The following ABR variants were observed in gnomAD, a reference collection of about 807,000 sequenced individuals.
ABR encodes active breakpoint cluster region-related protein.
ABR carries 35 observed loss-of-function variants against 107.2 expected under a neutral mutation model. The ratio of observed to expected loss-of-function variants is 0.33; its 90% CI spans 0.25 to 0.43. ABR has a LOEUF of 0.43. Ranked by LOEUF, ABR falls within the 20% of genes least tolerant of loss-of-function variation. The pLI is 1.00. For missense variants in ABR, 815 were observed against 1,115.2 expected, an observed-to-expected ratio of 0.73 and a Z score of 3.83; for synonymous variants, 498 against 462.0, an observed-to-expected ratio of 1.08 and a Z score of -1.00.
intron 4 of ABR, 52 bp downstream of exon 4, chr17:1,091,613 A>G (rs1163670722): frequency 1.3e-6 from 2 of 1,573,738 alleles, no homozygotes; most frequent in African/African-American, 1.3e-5. Context: ...CTGCAACACT[A>G]TGGGCTCCAC....
intron 1 of ABR, among the ~76,000 whole-genome samples, chr17:1,160,094 C>T (rs1395657327): frequency 6.6e-6 from 1 of 152,124 alleles, no homozygotes; most frequent in Non-Finnish European, 1.5e-5. Flanking sequence ...GGAGGAAACA[C>T]TTACACCAAT....
intron 14 of ABR, 83 bp downstream of exon 14, chr17:1,055,952 C>T (rs1212953359): frequency 1.7e-5 from 23 of 1,328,044 alleles, no homozygotes; most frequent in Non-Finnish European, 2.2e-5. Flanking sequence ...TGTCTAAAGG[C>T]GTGCTGGCAG....
intron 16 of ABR, among the ~76,000 whole-genome samples, chr17:1,020,020 C>T (rs894422307): frequency 2.6e-5 from 4 of 152,126 alleles, no homozygotes; most frequent in Admixed American, 2.0e-4. Context: ...AAAAGGCGGA[C>T]GAACGACTGG....
At chr17:1,009,628 C>A in intron 21 of ABR, 51 bp downstream of exon 21, 1 of 1,544,440 alleles carries the variant, frequency 6.5e-7, no homozygotes, top group Non-Finnish European at 8.9e-7. Flanking sequence ...TCCCCGTTAC[C>A]TTTTCATGAG....
At chr17:1,059,456 G>A (rs1418033034) in intron 10 of ABR, among the ~76,000 whole-genome samples, 1 of 152,156 alleles carries the variant, frequency 6.6e-6, no homozygotes, top group African/African-American at 2.4e-5. Context: ...TCACTCTGCT[G>A]CCTCTACACA....
intron 1 of ABR, among the ~76,000 whole-genome samples, chr17:1,134,554 G>A (rs1395016472): frequency 6.6e-6 from 1 of 152,194 alleles, no homozygotes; most frequent in Admixed American, 6.5e-5. Context: ...TATATATTGG[G>A]TTTTCTGCTG....
intron 1 of ABR, among the ~76,000 whole-genome samples, chr17:1,178,886 C>T (rs2042014003): frequency 6.6e-6 from 1 of 151,956 alleles, no homozygotes; most frequent in African/African-American, 2.4e-5. Context: ...CTCGGTTCGC[C>T]CCAAGCCCCC....
intron 1 of ABR, among the ~76,000 whole-genome samples, chr17:1,141,592 C>G (rs1036669039): frequency 7.2e-5 from 11 of 152,172 alleles, no homozygotes; most frequent in Non-Finnish European, 1.3e-4. Context: ...TTCCCCTGCT[C>G]TCCTTCCTGA....
intron 2 of ABR, among the ~76,000 whole-genome samples, chr17:1,113,621 C>A (rs1470649633): frequency 6.6e-6 from 1 of 152,128 alleles, no homozygotes; most frequent in African/African-American, 2.4e-5. Context: ...TTAAACGTCA[C>A]CTCCTCCAGG....
In ABR at chr17:1,056,037, G is replaced by A; in HGVS notation, c.1559C>T (p.Ala520Val). The stretch of plus-strand genomic sequence containing the variant: ...CTCGTCCTGGCCAGGGCACTTACTG[G>A]CTGATTGCTTAAATCCCTTGGCAGA... ...VHSAKGFKQSANLYCTLEVDS... is the reference protein window; with the variant it reads ...VHSAKGFKQSVNLYCTLEVDS... Residue 520 changes from alanine (A) to valine (V), a missense_variant and splice_region_variant, in exon 14 of 23, where the codon GCC becomes GTC. Physicochemically the swap from Ala to Val is moderately conservative, Grantham distance 64. This residue lies in a region of ABR where 385 missense variants were observed against 596.9 expected (regional missense o/e 0.64). Transcript: ENST00000302538. The A allele has an allele frequency of 6.2e-7, 1 of 1,613,962 alleles. No individual in the cohort carries two copies. Among genetic ancestry groups the A allele is most frequent in the Non-Finnish European group, 8.5e-7 (1 of 1,179,814 alleles).
chr17:1,033,226 G>A (rs2072940004), intron 16 of ABR, among the ~76,000 whole-genome samples: 1 of 152,250 alleles, frequency 6.6e-6, no homozygotes, highest in Non-Finnish European at 1.5e-5. Context: ...CCAGGCAGGT[G>A]TCGGGATTTC....
At chr17:1,161,555 AT>A (rs533692775) in intron 1 of ABR, among the ~76,000 whole-genome samples, 35,937 of 131,366 alleles carry the variant, frequency 0.27, 4,882 homozygotes, top group African/African-American at 0.4. Flanking sequence ...CAAAGTCACT[AT>A]TTTTTTTTTT....
At chr17:1,022,166 C>T (rs908622296) in intron 16 of ABR, among the ~76,000 whole-genome samples, 8 of 151,524 alleles carry the variant, frequency 5.3e-5, no homozygotes, top group African/African-American at 7.3e-5. Flanking sequence ...AAGTGGCCCC[C>T]GGACAGGGAA....
intron 2 of ABR, chr17:1,101,280 T>C (rs7219595): frequency 0.1 from 15,653 of 152,690 alleles, 991 homozygotes; most frequent in Middle Eastern, 0.15. Flanking sequence ...CGGCCCCCCT[T>C]TCCCCTTTCC....
At chr17:1,147,417 G>A (rs1236345314) in intron 1 of ABR, among the ~76,000 whole-genome samples, 1 of 151,346 alleles carries the variant, frequency 6.6e-6, no homozygotes, top group Non-Finnish European at 1.5e-5. Flanking sequence ...CTGGAGTGCA[G>A]TGGCACAATC....
At chr17:1,192,133 GAA>G (rs2042449788), upstream of ABR, among the ~76,000 whole-genome samples, 2 of 151,824 alleles carry the variant, frequency 1.3e-5, no homozygotes, top group South Asian at 4.1e-4. Flanking sequence ...TTCAGGGCTA[GAA>G]AAGTTATTAT....
In ABR at chr17:1,043,973, G is replaced by A. The variant is rs189758872; in HGVS notation, c.1791+6077C>T. ...CTTCTTGGTCTCAGGCCCTTCTCCA[G>A]TCTGGGGACGCTGGCAGAAACTGAG... On this transcript the variant is annotated intron_variant, in intron 16 of 22. Coordinates refer to ENST00000302538, the MANE Select transcript of ABR (RefSeq NM_021962.5). Among the ~76,000 whole-genome samples the A allele has an allele frequency of 9.2e-5, 14 of 152,366 alleles. No homozygotes were observed. The East Asian group carries it at 2.5e-3, about 27-fold the overall frequency.
chr17:1,047,535 G>A (rs1321049203), intron 16 of ABR, among the ~76,000 whole-genome samples: 1 of 152,262 alleles, frequency 6.6e-6, no homozygotes, highest in Non-Finnish European at 1.5e-5. Context: ...CCGGGCCTTG[G>A]CATGCTGAGT....
chr17:1,082,718 T>A (rs998049759), intron 5 of ABR, among the ~76,000 whole-genome samples: 7 of 152,196 alleles, frequency 4.6e-5, no homozygotes, highest in Admixed American at 4.6e-4. Context: ...CCCAGAAGCT[T>A]GTTCAAATAT....
Sources: gnomAD v4.1 joint callset for allele counts (sites outside exome capture counted in the v4.1 genomes callset) on GRCh38, gnomAD v4.1.1 for gene constraint, gnomAD v4.1.1 regional missense constraint, MANE v1.5 for transcripts, NCBI Gene and HGNC (gene_info 2026-07-23, HGNC 2026-07-21) for gene names.